MALRD1: variants seen among roughly 807,000 people sequenced by gnomAD.
MALRD1 encodes the protein MAM and LDL-receptor class A domain-containing protein 1.
A neutral mutation model predicts 242.1 loss-of-function variants in MALRD1; 247 were observed. That is an observed-to-expected ratio of 1.02 (90% CI 0.92 to 1.13). The LOEUF is 1.13. MALRD1 is among the 50% of genes most tolerant of loss of function. MALRD1 has a pLI of 0.00. For synonymous variants in MALRD1, 995 were observed against 866.6 expected, an observed-to-expected ratio of 1.15 and a Z score of -2.60; for missense variants, 2,989 against 2,533.1, an observed-to-expected ratio of 1.18 and a Z score of -3.86.
intron 12 of MALRD1, among the ~76,000 whole-genome samples, chr10:19,157,625 C>A (rs895002758): frequency 2.0e-5 from 3 of 152,108 alleles, no homozygotes; most frequent in African/African-American, 4.8e-5. Flanking sequence ...AAAATCTAGC[C>A]AATCCTCCGA....
intron 24 of MALRD1, among the ~76,000 whole-genome samples, chr10:19,337,991 G>A (rs1400240283): frequency 6.6e-6 from 1 of 151,700 alleles, no homozygotes; most frequent in African/African-American, 2.4e-5. Flanking sequence ...GAACCCAGGA[G>A]GCAGAGGTTG....
intron 13 of MALRD1, among the ~76,000 whole-genome samples, chr10:19,167,532 G>A (rs1834747909): frequency 6.6e-6 from 1 of 152,080 alleles, no homozygotes; most frequent in Non-Finnish European, 1.5e-5. Context: ...TACATATTTT[G>A]GAGCAGATGG....
intron 36 of MALRD1, among the ~76,000 whole-genome samples, chr10:19,644,702 G>A (rs1272004150): frequency 6.6e-6 from 1 of 152,050 alleles, no homozygotes; most frequent in Admixed American, 6.5e-5. Flanking sequence ...TATGAGTCAG[G>A]CACCATTGTC....
intron 21 of MALRD1, among the ~76,000 whole-genome samples, chr10:19,303,593 G>A (rs1246826522): frequency 2.0e-5 from 3 of 151,714 alleles, no homozygotes; most frequent in Non-Finnish European, 4.4e-5. Flanking sequence ...CAAGCCATGT[G>A]TGTAATTTTA....
chr10:19,134,383 A>G (rs2131407291), intron 9 of MALRD1, among the ~76,000 whole-genome samples: 1 of 152,344 alleles, frequency 6.6e-6, no homozygotes, highest in East Asian at 1.9e-4. Context: ...CATAGGCTCA[A>G]TAGGAATGCT....
intron 32 of MALRD1, among the ~76,000 whole-genome samples, chr10:19,554,000 G>A (rs1835604553): frequency 1.3e-5 from 2 of 152,066 alleles, no homozygotes; most frequent in South Asian, 4.1e-4. Flanking sequence ...GGCATTTAGG[G>A]TACATAAATA....
chr10:19,192,128 T>C (rs1836004172), intron 14 of MALRD1, among the ~76,000 whole-genome samples: 1 of 152,146 alleles, frequency 6.6e-6, no homozygotes, highest in African/African-American at 2.4e-5. Flanking sequence ...GTATAGTGAA[T>C]AGCCTAAATC....
intron 28 of MALRD1, among the ~76,000 whole-genome samples, chr10:19,439,904 G>A (rs3120812): frequency 0.71 from 108,545 of 152,020 alleles, 38,891 homozygotes; most frequent in Non-Finnish European, 0.75. Context: ...ATTACTTCGA[G>A]TGTGTCAAAA....
intron 8 of MALRD1, among the ~76,000 whole-genome samples, chr10:19,130,664 G>GTGT: frequency 6.6e-6 from 1 of 150,998 alleles, no homozygotes. Flanking sequence ...ATTTAATTAT[G>GTGT]AATGTATGTA....
At chr10:19,198,065 C>T (rs1226670720) in intron 14 of MALRD1, among the ~76,000 whole-genome samples, 2 of 152,090 alleles carry the variant, frequency 1.3e-5, no homozygotes, top group African/African-American at 2.4e-5. Context: ...GAGTCTCTGT[C>T]GCCCAGGCTG....
At chr10:19,347,671 A>T (rs1844191939) in intron 24 of MALRD1, 100 bp from the exon 25 acceptor site, 1 of 1,367,346 alleles carries the variant, frequency 7.3e-7, no homozygotes, top group Non-Finnish European at 9.9e-7. Flanking sequence ...AAGGTTTCAA[A>T]TATTACATGA....
At chr10:19,355,217 G>C (rs1029110903) in intron 26 of MALRD1, among the ~76,000 whole-genome samples, 9 of 152,048 alleles carry the variant, frequency 5.9e-5, no homozygotes, top group African/African-American at 2.2e-4. Flanking sequence ...TTTGGCTGAG[G>C]TGGGCACCTT....
intron 4 of MALRD1, among the ~76,000 whole-genome samples, chr10:19,088,746 C>T (rs1200420441): frequency 1.2e-5 from 1 of 80,482 alleles, no homozygotes; most frequent in Non-Finnish European, 2.4e-5. Flanking sequence ...CTCCCCCAAC[C>T]CCACCACAGT....
intron 10 of MALRD1, among the ~76,000 whole-genome samples, chr10:19,143,596 G>T (rs1234736341): frequency 3.3e-5 from 5 of 152,158 alleles, no homozygotes; most frequent in African/African-American, 1.2e-4. Flanking sequence ...AGGCAACCCT[G>T]GGCCAGGCAA....
At chr10:19,692,181 T>C (rs912337125) in intron 36 of MALRD1, 101 bp from the exon 37 acceptor site, 22 of 918,492 alleles carry the variant, frequency 2.4e-5, no homozygotes, top group Non-Finnish European at 3.3e-5. Flanking sequence ...TCCTAGTATC[T>C]CGTTATTTAT....
intron 31 of MALRD1, among the ~76,000 whole-genome samples, chr10:19,521,797 T>C (rs1173274673): frequency 6.6e-6 from 1 of 152,162 alleles, no homozygotes; most frequent in East Asian, 1.9e-4. Flanking sequence ...TAGGTAATTG[T>C]TAGTATCTCC....
intron 18 of MALRD1, among the ~76,000 whole-genome samples, chr10:19,252,989 G>C (rs1383000895): frequency 1.3e-5 from 2 of 151,934 alleles, no homozygotes; most frequent in African/African-American, 4.8e-5. Flanking sequence ...TTTTCTAAAA[G>C]CTCCCAAGAA....
chr10:19,241,836 A>G (rs1838794732), intron 18 of MALRD1, among the ~76,000 whole-genome samples: 1 of 151,988 alleles, frequency 6.6e-6, no homozygotes. Context: ...GGTGCATGCT[A>G]TTTAATTTCC....
At chr10:19,477,417 C>G (rs1224813609) in intron 29 of MALRD1, among the ~76,000 whole-genome samples, 1 of 151,946 alleles carries the variant, frequency 6.6e-6, no homozygotes, top group African/African-American at 2.4e-5. Context: ...GGCCTGTTAG[C>G]TCTCAGTTGA....
Sources: gnomAD v4.1 joint callset for allele counts (sites outside exome capture counted in the v4.1 genomes callset) on GRCh38, gnomAD v4.1.1 for gene constraint, MANE v1.5 for transcripts, NCBI Gene and HGNC (gene_info 2026-07-23, HGNC 2026-07-21) for gene names.